The following ODF2L variants were observed in gnomAD, a reference collection of about 807,000 sequenced individuals.
The protein encoded by ODF2L is protein BCAP.
A neutral mutation model predicts 86.3 loss-of-function variants in ODF2L; 76 were observed. That is an observed-to-expected ratio of 0.88 (90% confidence interval 0.73 to 1.07). ODF2L has a LOEUF of 1.07. Ranked by LOEUF, ODF2L falls within the 50% of genes least tolerant of loss-of-function variation. The pLI, the probability that ODF2L is intolerant of heterozygous loss-of-function variation, is 0.00. For synonymous variants in ODF2L, 241 were observed against 231.3 expected (o/e 1.04, Z -0.38); for missense variants, 748 against 717.4 (o/e 1.04, Z -0.49).
rs117493625 is a variant in ODF2L at position 86,371,913 on chromosome 1, C to T, written c.920+518G>A. On this transcript the variant is annotated intron_variant, in intron 9 of 17. Coordinates refer to ENST00000317336, the Ensembl canonical transcript of ODF2L. ...TTAAAATTTCAAAATGTGGGCCAGG[C>T]GTGGTGGCTCACGCCTGTAATCCCA... Among the ~76,000 whole-genome samples, 476 of 152,182 alleles carry T rather than the reference C, an allele frequency of 3.1e-3. 2 individuals are homozygous for T. The East Asian group carries it at 0.044, about 14-fold the overall frequency.
At chr1:86,385,810 G>A in intron 2 of ODF2L, 1 of 375,888 alleles carries the variant, frequency 2.7e-6, no homozygotes, top group South Asian at 5.8e-5. Flanking sequence ...TTGGATTAAA[G>A]ATGTACGTAT....
intron 6 of ODF2L, 58 bp downstream of exon 6, chr1:86,382,873 A>G: frequency 2.4e-6 from 2 of 829,664 alleles, no homozygotes; most frequent in Non-Finnish European, 4.1e-6. Flanking sequence ...GGATGGGAAA[A>G]AAAAGGGAGT....
exon 11 of ODF2L, chr1:86,368,700 G>C (rs764612454): frequency 1.0e-5 from 15 of 1,446,796 alleles, no homozygotes; most frequent in Non-Finnish European, 1.2e-5. Flanking sequence ...CTTTGACTCA[G>C]TAATTCTACA....
chr1:86,367,658 T>A (rs900229128), intron 11 of ODF2L, among the ~76,000 whole-genome samples: 22 of 151,770 alleles, frequency 1.4e-4, no homozygotes, highest in Non-Finnish European at 5.9e-5. Context: ...AATTTAAAAG[T>A]TGTACAAGAA....
intron 12 of ODF2L, 88 bp from the exon 12 acceptor site, chr1:86,358,979 G>T: frequency 1.5e-6 from 1 of 645,480 alleles, no homozygotes; most frequent in Non-Finnish European, 2.6e-6. Context: ...TTTTAAACAA[G>T]TCATTATTTT....
rs747652316 is a variant in ODF2L at position 86,370,998 on chromosome 1, C to G, written c.1056+20G>C. The G allele has an allele frequency of 3.3e-6, 5 of 1,507,072 alleles. No individual in the cohort carries two copies. The South Asian group carries it at 4.3e-5, about 13-fold the overall frequency. The allele number at this position is 1,507,072 out of a possible 1,614,324, so 93.4% of individuals were successfully genotyped here. On this transcript the variant is annotated intron_variant, in intron 10 of 17. Coordinates refer to ENST00000317336, the Ensembl canonical transcript of ODF2L. ...GGTCATTACACAATACATGCCTGCTCAAACACTCATACATAGTACCTTTAA... is the reference window on the plus strand; with the variant it reads ...GGTCATTACACAATACATGCCTGCTGAAACACTCATACATAGTACCTTTAA...
intron 1 of ODF2L, among the ~76,000 whole-genome samples, chr1:86,395,515 C>A (rs917013382): frequency 1.3e-5 from 2 of 152,144 alleles, no homozygotes; most frequent in Admixed American, 6.5e-5. Flanking sequence ...TTAGCACTCT[C>A]CACGACCCTA....
intron 11 of ODF2L, among the ~76,000 whole-genome samples, chr1:86,361,598 A>T (rs903790469): frequency 6.6e-6 from 1 of 152,238 alleles, no homozygotes; most frequent in African/African-American, 2.4e-5. Context: ...TTTCCAATAC[A>T]GTTTAAATGG....
intron 8 of ODF2L, among the ~76,000 whole-genome samples, chr1:86,375,749 C>T (rs2101094450): frequency 6.6e-6 from 1 of 152,268 alleles, no homozygotes; most frequent in East Asian, 1.9e-4. Flanking sequence ...ATCAGCATTT[C>T]TCAAACTAGT....
chr1:86,367,871 T>C (rs1351943061), intron 11 of ODF2L, among the ~76,000 whole-genome samples: 1 of 152,198 alleles, frequency 6.6e-6, no homozygotes, highest in Admixed American at 6.5e-5. Flanking sequence ...AAGGTGAAGA[T>C]ATATAATCTG....
intron 11 of ODF2L, among the ~76,000 whole-genome samples, chr1:86,361,705 T>A (rs1295518735): frequency 6.6e-6 from 1 of 152,044 alleles, no homozygotes. Flanking sequence ...AAGATTAATA[T>A]CCTTAATATA....
chr1:86,372,647 G>A, intron 8 of ODF2L, 107 bp from the exon 9 acceptor site: 3 of 570,360 alleles, frequency 5.3e-6, no homozygotes, highest in African/African-American at 2.0e-5. Context: ...CTTCCAAAAA[G>A]TATGGAACTT....
chr1:86,376,536 TAAAG>T (rs1470649706), intron 7 of ODF2L, 118 bp from the exon 8 acceptor site: 1 of 623,470 alleles, frequency 1.6e-6, no homozygotes, highest in African/African-American at 1.8e-5. Flanking sequence ...CACACTGCCA[TAAAG>T]AAATACCCTA....
At chr1:86,396,266 A>C (rs1661738121) in exon 1 of ODF2L, 1 of 152,410 alleles carries the variant, frequency 6.6e-6, no homozygotes, top group Admixed American at 6.5e-5. Flanking sequence ...CTTGCCGCAG[A>C]AGAGTGCCCG....
intron 10 of ODF2L, 114 bp downstream of exon 10, chr1:86,370,904 G>C (rs1659745764): frequency 1.8e-6 from 1 of 568,344 alleles, no homozygotes; most frequent in Non-Finnish European, 2.9e-6. Flanking sequence ...AAGCATAGAA[G>C]ACAGAATTAT....
At position 86,354,440 on chromosome 1, in the gene ODF2L, CAA is replaced by C. The variant is rs1658380268; in HGVS notation, c.1767+88_1767+89del. 3 of 832,666 alleles carry C rather than the reference CAA, an allele frequency of 3.6e-6. No homozygotes were observed. The East Asian group carries it at 7.5e-5, about 21-fold the overall frequency. The allele number at this position is 832,666 out of a possible 1,614,324, so 51.6% of individuals were successfully genotyped here. A position where few individuals can be genotyped will look rare whatever the true frequency, so the allele number is the denominator to read the frequency against. ...TGCTCCCTTCACCCTGTCATCAGGA[CAA>C]AAACAATAACTACAGGTTGCAAGAT... On this transcript the variant is annotated intron_variant, in intron 16 of 17. Coordinates refer to ENST00000317336, the Ensembl canonical transcript of ODF2L.
downstream of ODF2L, chr1:86,347,636 C>T (rs1657878608): frequency 6.6e-6 from 1 of 152,080 alleles, no homozygotes; most frequent in Admixed American, 6.6e-5. Context: ...GGACCAGGCC[C>T]CCATCTCTGA....
intron 14 of ODF2L, chr1:86,355,197 T>A: frequency 1.7e-6 from 1 of 601,564 alleles, no homozygotes; most frequent in Non-Finnish European, 2.9e-6. Flanking sequence ...TAATCTCCTA[T>A]TTTTGGATAC....
chr1:86,382,410 C>T (rs760858428), intron 6 of ODF2L, 52 bp from the exon 7 acceptor site: 1 of 1,596,212 alleles, frequency 6.3e-7, no homozygotes. Flanking sequence ...TTTGCTGTAT[C>T]CCCAGCCCAA....
Sources: gnomAD v4.1 joint callset for allele counts (sites outside exome capture counted in the v4.1 genomes callset) on GRCh38, gnomAD v4.1.1 for gene constraint, MANE v1.5 for transcripts, NCBI Gene and HGNC (gene_info 2026-07-23, HGNC 2026-07-21) for gene names.